POU6F2: variants seen among roughly 807,000 people sequenced by gnomAD.
The protein encoded by POU6F2 is POU domain, class 6, transcription factor 2.
POU6F2 carries 31 observed loss-of-function variants against 71.3 expected under a neutral mutation model. The observed-to-expected ratio is 0.43, with a 90% confidence interval of 0.33 to 0.59. The LOEUF (loss-of-function observed/expected upper bound fraction) is 0.59, where lower values mean the gene tolerates loss of function less well. Among genes scored for constraint, POU6F2 ranks in the 20% least tolerant of loss-of-function variants. The pLI is 0.04. For synonymous variants in POU6F2, 347 were observed against 355.7 expected, an observed-to-expected ratio of 0.98 and a Z score of 0.27; for missense variants, 783 against 856.8, an observed-to-expected ratio of 0.91 and a Z score of 1.07.
intron 4 of POU6F2, among the ~76,000 whole-genome samples, chr7:39,227,818 A>G (rs911683586): frequency 6.6e-6 from 1 of 152,028 alleles, no homozygotes; most frequent in African/African-American, 2.4e-5. Flanking sequence ...CGGCCTCCCA[A>G]AGTGCTGGGA....
chr7:39,057,452 A>G (rs6969605), intron 1 of POU6F2, among the ~76,000 whole-genome samples: 22,286 of 151,772 alleles, frequency 0.15, 2,357 homozygotes, highest in African/African-American at 0.31. Flanking sequence ...ATCTTCACAC[A>G]CTTTTATTGG....
At chr7:38,999,254 T>G (rs561576096) in intron 1 of POU6F2, among the ~76,000 whole-genome samples, 1 of 152,212 alleles carries the variant, frequency 6.6e-6, no homozygotes, top group South Asian at 2.1e-4. Context: ...CACTGGATAC[T>G]TTTTTATTAG....
chr7:39,049,301 ATTTTTC>A (rs1217807572), intron 1 of POU6F2, among the ~76,000 whole-genome samples: 1 of 151,484 alleles, frequency 6.6e-6, no homozygotes, highest in East Asian at 1.9e-4. Flanking sequence ...ACTGGAGACT[ATTTTTC>A]TTTTTGTAAA....
At chr7:39,093,587 T>C (rs1306004417) in intron 2 of POU6F2, among the ~76,000 whole-genome samples, 1 of 152,132 alleles carries the variant, frequency 6.6e-6, no homozygotes, top group Non-Finnish European at 1.5e-5. Flanking sequence ...TGTAAAATAA[T>C]TAGTGTTTCT....
At chr7:39,399,884 GAAAA>G (rs1383259156) in intron 5 of POU6F2, among the ~76,000 whole-genome samples, 1 of 135,792 alleles carries the variant, frequency 7.4e-6, no homozygotes, top group African/African-American at 2.7e-5. Flanking sequence ...AAGAAAGAAA[GAAAA>G]AGAAAAGAAA....
intron 4 of POU6F2, among the ~76,000 whole-genome samples, chr7:39,307,432 C>T (rs1458698083): frequency 2.0e-5 from 3 of 152,116 alleles, no homozygotes; most frequent in Non-Finnish European, 2.9e-5. Flanking sequence ...CTATCATACT[C>T]GATAATATTT....
chr7:39,160,637 A>G (rs950775054), intron 2 of POU6F2, among the ~76,000 whole-genome samples: 1 of 152,172 alleles, frequency 6.6e-6, no homozygotes, highest in Admixed American at 6.6e-5. Flanking sequence ...CTCCCTTGGT[A>G]GAAACCCTGC....
intron 7 of POU6F2, among the ~76,000 whole-genome samples, chr7:39,449,573 G>A (rs2116109102): frequency 6.6e-6 from 1 of 152,196 alleles, no homozygotes; most frequent in East Asian, 1.9e-4. Context: ...TTTATAGTAT[G>A]ATCCAATAGT....
At position 39,337,009 on chromosome 7, in the gene POU6F2, G is replaced by A. The variant is rs567019053; in HGVS notation, c.599-2633G>A. On this transcript the variant is annotated intron_variant, in intron 4 of 9. Coordinates refer to ENST00000518318, the MANE Select transcript of POU6F2 (RefSeq NM_001370959.1). ...GACTTTTCTTGTGTAAATCCCATCCGATACAATTCTGCTACCTCTGATGAT... is the reference window on the plus strand; with the variant it reads ...GACTTTTCTTGTGTAAATCCCATCCAATACAATTCTGCTACCTCTGATGAT... Among the ~76,000 whole-genome samples, 259 of 152,194 alleles carry A rather than the reference G, an allele frequency of 1.7e-3. 1 individual carries two copies. Among genetic ancestry groups the A allele is most frequent in the Non-Finnish European group, 3.2e-3 (217 of 68,002 alleles).
At chr7:39,167,491 T>C (rs1562730912) in intron 2 of POU6F2, among the ~76,000 whole-genome samples, 1 of 152,150 alleles carries the variant, frequency 6.6e-6, no homozygotes, top group African/African-American at 2.4e-5. Context: ...TGGATATCTT[T>C]GCGTCAGTGT....
chr7:39,371,182 GTT>G (rs1203889084), intron 5 of POU6F2, among the ~76,000 whole-genome samples: 3 of 143,320 alleles, frequency 2.1e-5, no homozygotes, highest in African/African-American at 2.5e-5. Flanking sequence ...TCGGAGAATG[GTT>G]TTTTTTTTTT....
chr7:39,211,711 A>G (rs1794146037), intron 4 of POU6F2, among the ~76,000 whole-genome samples: 1 of 152,140 alleles, frequency 6.6e-6, no homozygotes, highest in Non-Finnish European at 1.5e-5. Context: ...CCTCATTGGA[A>G]CCTGGAATGA....
intron 2 of POU6F2, among the ~76,000 whole-genome samples, chr7:39,185,330 T>A (rs1399824823): frequency 6.6e-6 from 1 of 152,044 alleles, no homozygotes; most frequent in Non-Finnish European, 1.5e-5. Flanking sequence ...TGGATTGTCC[T>A]CCCTCCCACC....
chr7:39,190,884 C>T (rs960457884), intron 2 of POU6F2, among the ~76,000 whole-genome samples: 1 of 152,066 alleles, frequency 6.6e-6, no homozygotes, highest in Admixed American at 6.6e-5. Flanking sequence ...GATCTGCCTG[C>T]CTCAGCTCCC....
chr7:39,416,771 A>G (rs1479483212), intron 6 of POU6F2, among the ~76,000 whole-genome samples: 1 of 152,154 alleles, frequency 6.6e-6, no homozygotes, highest in Non-Finnish European at 1.5e-5. Flanking sequence ...TAACAAGTAT[A>G]TCAATTGTTA....
At chr7:39,267,457 G>A (rs750517692) in intron 4 of POU6F2, among the ~76,000 whole-genome samples, 12 of 152,164 alleles carry the variant, frequency 7.9e-5, no homozygotes, top group South Asian at 2.1e-4. Context: ...AGGGAGCCCC[G>A]CATCTGTTGC....
At position 39,220,340 on chromosome 7, in the gene POU6F2, A is replaced by C. The variant is rs77259602; in HGVS notation, c.598+12720A>C. Among the ~76,000 whole-genome samples, 386 of 152,320 alleles carry C rather than the reference A, an allele frequency of 2.5e-3. 2 individuals carry two copies. Among genetic ancestry groups the C allele is most frequent in the African/African-American group, 8.8e-3 (364 of 41,556 alleles). ...GTAGCATACCAAGCTAAATTATATC[A>C]GTCTCTCTCTTTCTTTTGCAACTTG... On this transcript the variant is annotated intron_variant, in intron 4 of 9. Transcript: ENST00000518318.
intron 1 of POU6F2, among the ~76,000 whole-genome samples, chr7:39,074,313 A>G (rs1300113030): frequency 1.3e-5 from 2 of 152,030 alleles, no homozygotes. Context: ...GTGACATCCC[A>G]TCTCTACTAA....
intron 1 of POU6F2, among the ~76,000 whole-genome samples, chr7:38,998,436 G>GTTTA (rs1788801515): frequency 1.3e-5 from 2 of 152,092 alleles, no homozygotes; most frequent in African/African-American, 4.8e-5. Flanking sequence ...AATGAGAGAA[G>GTTTA]TTTACATCAC....
Sources: allele counts gnomAD v4.1 joint callset (sites outside exome capture counted in the v4.1 genomes callset), GRCh38; gene constraint gnomAD v4.1.1; transcripts MANE v1.5; gene names NCBI Gene and HGNC (gene_info 2026-07-23, HGNC 2026-07-21).